Variants in DGKA observed in about 807,000 individuals in gnomAD.
DGKA encodes 80 kDa diacylglycerol kinase.
Under a neutral mutation model 105.0 loss-of-function variants are expected in DGKA, and 35 were observed. That is an observed-to-expected ratio of 0.33 (90% CI 0.25 to 0.44). The LOEUF is 0.44. Among genes scored for constraint, DGKA ranks in the 20% least tolerant of loss-of-function variants. The pLI, the probability that DGKA is intolerant of heterozygous loss-of-function variation, is 1.00. For synonymous variants in DGKA, 296 were observed against 332.0 expected (o/e 0.89, Z 1.18); for missense variants, 665 against 915.0 (o/e 0.73, Z 3.53).
At chr12:55,948,515 C>T (rs1206398754) in intron 17 of DGKA, among the ~76,000 whole-genome samples, 3 of 151,658 alleles carry the variant, frequency 2.0e-5, no homozygotes, top group Non-Finnish European at 4.4e-5. Flanking sequence ...ATCGCTTGAG[C>T]CCAGGAGATT....
At chr12:55,934,674 C>G (rs376658068) in intron 1 of DGKA, among the ~76,000 whole-genome samples, 1 of 152,184 alleles carries the variant, frequency 6.6e-6, no homozygotes, top group East Asian at 1.9e-4. Context: ...TGCTTTTCAG[C>G]ATCATTCATT....
At chr12:55,929,593 AAAGGCCGGGG>A (rs1883275712), upstream of DGKA, 1 of 152,256 alleles carries the variant, frequency 6.6e-6, no homozygotes, top group Non-Finnish European at 1.5e-5. Context: ...ACAGGGCAAA[AAAGGCCGGGG>A]AGAACAGGCT....
intron 1 of DGKA, chr12:55,931,849 T>C (rs964974281): frequency 6.6e-6 from 1 of 152,300 alleles, no homozygotes; most frequent in African/African-American, 2.4e-5. Context: ...GGAGAAAATG[T>C]GTCCAAAGCC....
intron 17 of DGKA, 149 bp downstream of exon 17, chr12:55,942,412 A>C: frequency 1.4e-6 from 1 of 712,984 alleles, no homozygotes; most frequent in Non-Finnish European, 2.4e-6. Flanking sequence ...GAATGTCCAA[A>C]AAGAAGAGAG....
intron 5 of DGKA, 130 bp from the exon 6 acceptor site, chr12:55,938,381 G>A (rs1466136439): frequency 2.6e-6 from 3 of 1,171,008 alleles, no homozygotes; most frequent in Non-Finnish European, 3.7e-6. Flanking sequence ...CTCTCTCTCA[G>A]TCCCATCCCA....
intron 3 of DGKA, 32 bp downstream of exon 3, chr12:55,937,122 T>C (rs55704764): frequency 0.05 from 80,527 of 1,609,786 alleles, 2,262 homozygotes; most frequent in Non-Finnish European, 0.06. Context: ...TTCTTCTTGA[T>C]CAACTCTTCC....
At chr12:55,939,154 A>C (rs769030209) in intron 7 of DGKA, 32 bp from the exon 8 acceptor site, 69 of 1,611,026 alleles carry the variant, frequency 4.3e-5, no homozygotes, top group Non-Finnish European at 5.5e-5. Context: ...AGACCCACTC[A>C]TACTGAAAGT....
intron 17 of DGKA, among the ~76,000 whole-genome samples, chr12:55,944,154 G>A (rs892480694): frequency 6.6e-6 from 1 of 152,168 alleles, no homozygotes; most frequent in Non-Finnish European, 1.5e-5. Flanking sequence ...TAAAAAATTA[G>A]CTGGGCATGG....
chr12:55,937,557 G>A lies in DGKA; in HGVS notation c.274+14G>A. ...ATGTGACAAAAGGTATGGTCAAGCA[G>A]GTAGGACTGGGCTAAGCCTCTGGCA... is the stretch of plus-strand genomic sequence containing the variant. On this transcript the variant is annotated intron_variant, in intron 4 of 23. Coordinates refer to ENST00000331886, the MANE Select transcript of DGKA (RefSeq NM_001345.5). 6.2e-7 allele frequency: 1 copy of A among 1,613,296 alleles called. No homozygotes were observed. The highest frequency in any genetic ancestry group is 8.5e-7 in the Non-Finnish European group (1 of 1,179,506).
chr12:55,932,442 TGGA>T lies in DGKA; in HGVS notation c.-82+1100_-82+1102del, dbSNP rs930655214. On this transcript the variant is annotated intron_variant, in intron 1 of 23. Coordinates refer to ENST00000331886, the MANE Select transcript of DGKA (RefSeq NM_001345.5). The surrounding 1 kb of genome is among the most constrained non-coding windows in gnomAD (Gnocchi z 4.3). Reference sequence around the variant, plus strand: ...CGGAACCTCCACAGTGCCGCACGGGTGGAGAAGGGTTCTTGTTTGGCCTCCAGG... The same window carrying T: ...CGGAACCTCCACAGTGCCGCACGGGTGAAGGGTTCTTGTTTGGCCTCCAGG... 4 of 678,126 alleles carry T rather than the reference TGGA, an allele frequency of 5.9e-6. No individual in the cohort carries two copies. The Admixed American group carries it at 8.2e-5, about 14-fold the overall frequency. The allele number at this position is 678,126 out of a possible 1,614,324, so 42.0% of individuals were successfully genotyped here.
upstream of DGKA, chr12:55,928,057 CGCCGTACCTCCCTATTCTGCA>C (rs1883232121): frequency 2.2e-6 from 1 of 456,794 alleles, no homozygotes; most frequent in Admixed American, 3.9e-5. Context: ...TCCTGCCCTG[CGCCGTACCTCCCTATTCTGCA>C]GACGAACCCA....
intron 17 of DGKA, chr12:55,942,798 C>T (rs1475927198): frequency 1.2e-5 from 2 of 169,012 alleles, no homozygotes; most frequent in Non-Finnish European, 2.6e-5. Flanking sequence ...CAGTGTAGGG[C>T]AGATTGTGTT....
Position 55,938,749 on chromosome 12 carries a change from G to A in DGKA, c.400-166G>A. On this transcript the variant is annotated intron_variant, in intron 6 of 23. Coordinates refer to ENST00000331886, the MANE Select transcript of DGKA (RefSeq NM_001345.5). The stretch of plus-strand genomic sequence containing the variant: ...AAAGAGAATGCTGGATACATGAATT[G>A]GGTCTGCCTTACAAACATACAAACA... 5 of 1,531,006 alleles carry A rather than the reference G, an allele frequency of 3.3e-6. 1 individual carries two copies. The South Asian group carries it at 5.0e-5, about 15-fold the overall frequency. 94.8% of individuals were successfully genotyped at this position (1,531,006 alleles called of 1,614,324 possible).
chr12:55,928,900 AATCCCAGCACTTT>A, upstream of DGKA, among the ~76,000 whole-genome samples: 1 of 152,098 alleles, frequency 6.6e-6, no homozygotes, highest in Middle Eastern at 3.4e-3. Context: ...TCATGCCTGT[AATCCCAGCACTTT>A]GGGAGGCCCA....
rs977518525 is a variant in DGKA, at chr12:55,939,548, G to A, written c.709+19G>A. Reference sequence around the variant, plus strand: ...TGTAACCGTGAGTAATGGGAGCTGGGAGGTAGGGGAAGAGGGTCAGCCCAG... The same window carrying A: ...TGTAACCGTGAGTAATGGGAGCTGGAAGGTAGGGGAAGAGGGTCAGCCCAG... On this transcript the variant is annotated intron_variant, in intron 9 of 23. Coordinates refer to ENST00000331886, the MANE Select transcript of DGKA (RefSeq NM_001345.5). 1.2e-6 allele frequency: 2 copies of A among 1,612,302 alleles called. No homozygotes were observed. The highest frequency in any genetic ancestry group is 1.7e-6 in the Non-Finnish European group (2 of 1,178,752).
intron 6 of DGKA, 168 bp from the exon 7 acceptor site, chr12:55,938,747 T>C: frequency 6.5e-7 from 1 of 1,532,646 alleles, no homozygotes; most frequent in Non-Finnish European, 8.8e-7. Context: ...GATACATGAA[T>C]TGGGTCTGCC....
At position 55,952,423 on chromosome 12, in the gene DGKA, A is replaced by G; in HGVS notation, c.1735A>G (p.Thr579Ala). The G allele has an allele frequency of 6.2e-7, 1 of 1,614,112 alleles. No homozygotes were observed. The highest frequency in any genetic ancestry group is 1.7e-5 in the Admixed American group (1 of 60,016). ...ATGCAAAAAGCTGGAGGAGTCTTTG[A>G]CAGTTGAGGTGTGTGTAATAAGACT... ...STCKKLEESL[T>A]VEICGKPLDL... Residue 579 changes from threonine (T) to alanine (A), a missense_variant, in exon 20 of 24, where the codon ACA becomes GCA. Transcript: ENST00000331886. The surrounding 1 kb of genome is among the most constrained non-coding windows in gnomAD (Gnocchi z 5.1).
chr12:55,927,730 T>C, upstream of DGKA: 1 of 1,539,968 alleles, frequency 6.5e-7, no homozygotes, highest in South Asian at 1.2e-5. Flanking sequence ...GTCACCTGTC[T>C]CCGTAGCCGC....
intron 1 of DGKA, among the ~76,000 whole-genome samples, chr12:55,934,786 C>A (rs1166225327): frequency 6.6e-6 from 1 of 152,202 alleles, no homozygotes; most frequent in African/African-American, 2.4e-5. Flanking sequence ...CCCATGTAAC[C>A]ATATTTGGAT....
Sources: allele counts gnomAD v4.1 joint callset (sites outside exome capture counted in the v4.1 genomes callset), GRCh38; gene constraint gnomAD v4.1.1; non-coding constraint Gnocchi (gnomAD v3.1); transcripts MANE v1.5; gene names NCBI Gene and HGNC (gene_info 2026-07-23, HGNC 2026-07-21).